CSMD1: variants seen among roughly 807,000 people sequenced by gnomAD.
CSMD1 encodes CUB and Sushi multiple domains 1.
In CSMD1, 213 loss-of-function variants were observed where a neutral mutation model predicts 417.5. The ratio of observed to expected loss-of-function variants is 0.51; its 90% CI spans 0.46 to 0.57. The LOEUF (loss-of-function observed/expected upper bound fraction) is 0.57. Ranked by LOEUF, CSMD1 falls within the 20% of genes least tolerant of loss-of-function variation. The probability of loss-of-function intolerance (pLI) is 0.00; values close to 1 mark genes in which losing one functional copy is unlikely to be tolerated. For synonymous variants in CSMD1, 2,862 were observed against 1,736.8 expected (o/e 1.65, Z -16.11); for missense variants, 6,923 against 4,529.7 (o/e 1.53, Z -15.17).
At chr8:4,101,278 C>G (rs1296452682) in intron 3 of CSMD1, among the ~76,000 whole-genome samples, 1 of 152,174 alleles carries the variant, frequency 6.6e-6, no homozygotes, top group Non-Finnish European at 1.5e-5. Flanking sequence ...CTTTGGTGTT[C>G]TTCCAAACTC....
chr8:2,972,910 C>A (rs1273584516), intron 57 of CSMD1, among the ~76,000 whole-genome samples: 1 of 152,168 alleles, frequency 6.6e-6, no homozygotes, highest in Non-Finnish European at 1.5e-5. Flanking sequence ...AATAAGCATC[C>A]GTGTGATGGG....
At chr8:4,343,656 G>A (rs1800610363) in intron 3 of CSMD1, among the ~76,000 whole-genome samples, 1 of 152,126 alleles carries the variant, frequency 6.6e-6, no homozygotes, top group African/African-American at 2.4e-5. Context: ...TCTCCTAGGA[G>A]ACAAAGTCTG....
At chr8:3,286,106 T>G (rs1337047080) in intron 25 of CSMD1, among the ~76,000 whole-genome samples, 1 of 152,176 alleles carries the variant, frequency 6.6e-6, no homozygotes, top group Non-Finnish European at 1.5e-5. Context: ...GATAGTTTGC[T>G]GAGAATCATG....
chr8:3,095,577 T>G (rs1815240802), intron 47 of CSMD1, among the ~76,000 whole-genome samples: 1 of 152,156 alleles, frequency 6.6e-6, no homozygotes. Flanking sequence ...TTCAGTGATG[T>G]CTATCCATAC....
chr8:4,256,767 C>G (rs1563345496), intron 3 of CSMD1, among the ~76,000 whole-genome samples: 1 of 152,154 alleles, frequency 6.6e-6, no homozygotes, highest in Non-Finnish European at 1.5e-5. Context: ...GTGCCCTGCT[C>G]TCAAGCAGCT....
intron 12 of CSMD1, among the ~76,000 whole-genome samples, chr8:3,467,615 C>A (rs551685111): frequency 1.3e-5 from 2 of 152,100 alleles, no homozygotes; most frequent in Non-Finnish European, 2.9e-5. Context: ...AGGAGGGACC[C>A]TATTTTATGC....
chr8:4,375,930 T>C (rs2128915689), intron 3 of CSMD1, among the ~76,000 whole-genome samples: 1 of 152,308 alleles, frequency 6.6e-6, no homozygotes, highest in East Asian at 1.9e-4. Flanking sequence ...TGCTCTTAGA[T>C]GTGCAGAGAG....
At chr8:4,304,327 T>A (rs563970727) in intron 3 of CSMD1, among the ~76,000 whole-genome samples, 1 of 152,218 alleles carries the variant, frequency 6.6e-6, no homozygotes. Flanking sequence ...TTATTTTGTA[T>A]GTCAAACTGA....
intron 3 of CSMD1, among the ~76,000 whole-genome samples, chr8:4,384,248 C>A (rs181851466): frequency 6.7e-6 from 1 of 150,260 alleles, no homozygotes; most frequent in African/African-American, 2.4e-5. Flanking sequence ...AAATTACAGA[C>A]TTTTTTTTTT....
At chr8:3,937,132 T>A (rs192540010) in intron 5 of CSMD1, among the ~76,000 whole-genome samples, 1 of 152,204 alleles carries the variant, frequency 6.6e-6, no homozygotes, top group African/African-American at 2.4e-5. Flanking sequence ...CTGCTTCTTA[T>A]GGATGAGCAA....
At chr8:3,963,399 C>G (rs1812454459) in intron 5 of CSMD1, among the ~76,000 whole-genome samples, 1 of 152,116 alleles carries the variant, frequency 6.6e-6, no homozygotes, top group Non-Finnish European at 1.5e-5. Flanking sequence ...ATCCTATACT[C>G]CATGGTTCCT....
At chr8:3,914,862 C>T (rs561915556) in intron 5 of CSMD1, among the ~76,000 whole-genome samples, 3 of 152,170 alleles carry the variant, frequency 2.0e-5, no homozygotes, top group Non-Finnish European at 4.4e-5. Context: ...AGGCACACAT[C>T]ATACAGTTTT....
intron 29 of CSMD1, among the ~76,000 whole-genome samples, chr8:3,215,800 GCA>G (rs1279226095): frequency 6.6e-6 from 1 of 151,760 alleles, no homozygotes; most frequent in Non-Finnish European, 1.5e-5. Flanking sequence ...AGAGGAAAAA[GCA>G]AAAACAAAAA....
At chr8:3,267,668 G>C (rs770765278) in intron 26 of CSMD1, among the ~76,000 whole-genome samples, 1 of 152,244 alleles carries the variant, frequency 6.6e-6, no homozygotes, top group African/African-American at 2.4e-5. Context: ...TGAGGAAGCA[G>C]GGATGGAAAG....
intron 5 of CSMD1, among the ~76,000 whole-genome samples, chr8:3,842,233 GT>G (rs371255554): frequency 7.2e-5 from 11 of 151,964 alleles, no homozygotes; most frequent in Middle Eastern, 3.2e-3. Context: ...TCATCTGCTT[GT>G]CCATTTCTCT....
intron 10 of CSMD1, among the ~76,000 whole-genome samples, chr8:3,511,590 C>A (rs1226565320): frequency 1.3e-5 from 2 of 151,268 alleles, no homozygotes. Flanking sequence ...CCCCTCTCTA[C>A]TAAAAATATG....
At chr8:4,875,293 T>G (rs1462327737) in intron 1 of CSMD1, among the ~76,000 whole-genome samples, 1 of 152,086 alleles carries the variant, frequency 6.6e-6, no homozygotes, top group Non-Finnish European at 1.5e-5. Context: ...TCACTGATTC[T>G]CAGTTCGAAA....
chr8:3,315,108 A>G (rs1563263341), intron 23 of CSMD1, among the ~76,000 whole-genome samples: 1 of 152,212 alleles, frequency 6.6e-6, no homozygotes, highest in Non-Finnish European at 1.5e-5. Flanking sequence ...AGACATTTCA[A>G]TTGGGATAAT....
chr8:3,705,035 T>A (rs1465661932), intron 7 of CSMD1, among the ~76,000 whole-genome samples: 1 of 152,194 alleles, frequency 6.6e-6, no homozygotes, highest in Non-Finnish European at 1.5e-5. Flanking sequence ...ACATTTTCTA[T>A]CACCATGACA....
Sources: allele counts gnomAD v4.1 joint callset (sites outside exome capture counted in the v4.1 genomes callset), GRCh38; gene constraint gnomAD v4.1.1; transcripts MANE v1.5; gene names NCBI Gene and HGNC (gene_info 2026-07-23, HGNC 2026-07-21).